GUCY1A2: variants seen among roughly 807,000 people sequenced by gnomAD.
The protein encoded by GUCY1A2 is guanylate cyclase soluble subunit alpha-2.
GUCY1A2 carries 27 observed loss-of-function variants against 63.5 expected under a neutral mutation model. That is an observed-to-expected ratio of 0.43 (90% CI 0.31 to 0.59). The LOEUF (loss-of-function observed/expected upper bound fraction) is 0.59, where lower values mean the gene tolerates loss of function less well. Among genes scored for constraint, GUCY1A2 ranks in the 20% least tolerant of loss-of-function variants. The pLI is 0.11. For synonymous variants in GUCY1A2, 364 were observed against 343.5 expected, an observed-to-expected ratio of 1.06 and a Z score of -0.66; for missense variants, 768 against 913.3, an observed-to-expected ratio of 0.84 and a Z score of 2.05.
At chr11:106,987,319 T>C (rs1861414511) in intron 1 of GUCY1A2, among the ~76,000 whole-genome samples, 1 of 152,188 alleles carries the variant, frequency 6.6e-6, no homozygotes, top group South Asian at 2.1e-4. Flanking sequence ...CAATTGCTAA[T>C]CCTTCAAAGT....
intron 4 of GUCY1A2, among the ~76,000 whole-genome samples, chr11:106,906,275 C>A (rs187734837): frequency 6.6e-6 from 1 of 152,034 alleles, no homozygotes; most frequent in African/African-American, 2.4e-5. Context: ...AAAAACTGGG[C>A]GAACGATATG....
chr11:106,731,030 C>T (rs1863494608), intron 6 of GUCY1A2, among the ~76,000 whole-genome samples: 2 of 151,878 alleles, frequency 1.3e-5, no homozygotes, highest in Admixed American at 1.3e-4. Context: ...CTTATATTTT[C>T]TACCATTCTG....
chr11:107,010,577 G>A (rs1022008028), intron 1 of GUCY1A2, among the ~76,000 whole-genome samples: 3 of 151,956 alleles, frequency 2.0e-5, no homozygotes, highest in Non-Finnish European at 4.4e-5. Flanking sequence ...AAACAGGTTC[G>A]CATACTTGAA....
At chr11:106,908,932 A>G (rs564242676) in intron 4 of GUCY1A2, among the ~76,000 whole-genome samples, 2 of 152,202 alleles carry the variant, frequency 1.3e-5, no homozygotes, top group East Asian at 3.9e-4. Flanking sequence ...AGGTGAAGAA[A>G]TATTTTTGGA....
chr11:106,977,052 C>G (rs989430883), intron 3 of GUCY1A2, among the ~76,000 whole-genome samples: 1 of 152,168 alleles, frequency 6.6e-6, no homozygotes, highest in East Asian at 1.9e-4. Context: ...CTCCTATTCC[C>G]TCTAACTCAG....
At chr11:106,740,043 C>T (rs749179498) in intron 6 of GUCY1A2, among the ~76,000 whole-genome samples, 20 of 150,262 alleles carry the variant, frequency 1.3e-4, no homozygotes, top group East Asian at 5.9e-4. Flanking sequence ...TCTGTCACCC[C>T]GGCTGCAGTG....
chr11:106,773,503 G>A (rs1192156650), intron 6 of GUCY1A2, among the ~76,000 whole-genome samples: 9 of 152,152 alleles, frequency 5.9e-5, no homozygotes, highest in South Asian at 2.1e-4. Context: ...TTTGCTACAC[G>A]TGCACAAGTA....
chr11:106,881,983 T>C (rs1859830137), intron 4 of GUCY1A2, among the ~76,000 whole-genome samples: 1 of 152,020 alleles, frequency 6.6e-6, no homozygotes. Flanking sequence ...CAATGGGCTA[T>C]CAATTACAAG....
intron 5 of GUCY1A2, among the ~76,000 whole-genome samples, chr11:106,796,982 T>A (rs1273600657): frequency 1.3e-5 from 2 of 152,104 alleles, no homozygotes; most frequent in African/African-American, 4.8e-5. Context: ...TTCTTTTTAC[T>A]CTTTTTTCTC....
intron 4 of GUCY1A2, among the ~76,000 whole-genome samples, chr11:106,813,796 G>A (rs557259819): frequency 6.6e-6 from 1 of 152,166 alleles, no homozygotes; most frequent in African/African-American, 2.4e-5. Flanking sequence ...TGTTGAGGAG[G>A]ATGATGCCTG....
At chr11:106,697,413 C>T (rs952840956) in intron 7 of GUCY1A2, among the ~76,000 whole-genome samples, 9 of 152,082 alleles carry the variant, frequency 5.9e-5, no homozygotes, top group Non-Finnish European at 7.4e-5. Context: ...AGTTTAAAAA[C>T]GAATACTCCA....
intron 4 of GUCY1A2, among the ~76,000 whole-genome samples, chr11:106,874,041 A>G (rs1371823539): frequency 6.6e-6 from 1 of 152,168 alleles, no homozygotes; most frequent in South Asian, 2.1e-4. Flanking sequence ...ATCCTTTATT[A>G]TAGAATATTT....
At chr11:106,865,208 T>G (rs1291276926) in intron 4 of GUCY1A2, among the ~76,000 whole-genome samples, 3 of 152,154 alleles carry the variant, frequency 2.0e-5, no homozygotes, top group Non-Finnish European at 4.4e-5. Flanking sequence ...TATTCTCTGA[T>G]GGTAGTTTGT....
At chr11:106,834,620 C>CA (rs912566913) in intron 4 of GUCY1A2, among the ~76,000 whole-genome samples, 5 of 151,750 alleles carry the variant, frequency 3.3e-5, no homozygotes, top group Admixed American at 6.6e-5. Context: ...GAAAAACAAA[C>CA]AAAAAAAGTA....
chr11:106,989,436 G>A (rs1861443352), intron 1 of GUCY1A2, among the ~76,000 whole-genome samples: 1 of 151,850 alleles, frequency 6.6e-6, no homozygotes, highest in South Asian at 2.1e-4. Context: ...GTGCAGGTTT[G>A]TTACATATGT....
At chr11:106,699,497 CTG>C (rs1029464430) in intron 7 of GUCY1A2, among the ~76,000 whole-genome samples, 9 of 152,124 alleles carry the variant, frequency 5.9e-5, no homozygotes, top group African/African-American at 2.2e-4. Context: ...GAAATTCTTT[CTG>C]TGTGTGAAAT....
At chr11:106,944,398 G>T (rs1421831667) in intron 3 of GUCY1A2, among the ~76,000 whole-genome samples, 1 of 151,902 alleles carries the variant, frequency 6.6e-6, no homozygotes, top group African/African-American at 2.4e-5. Flanking sequence ...AGTGAGCTGT[G>T]ACTGCACCAC....
intron 4 of GUCY1A2, among the ~76,000 whole-genome samples, chr11:106,873,530 AC>A (rs1289126486): frequency 6.6e-6 from 1 of 151,868 alleles, no homozygotes; most frequent in African/African-American, 2.4e-5. Context: ...GTGATGTTGA[AC>A]TTTTTTCATA....
intron 1 of GUCY1A2, among the ~76,000 whole-genome samples, chr11:106,998,934 C>T (rs17106330): frequency 0.025 from 3,847 of 152,096 alleles, 64 homozygotes; most frequent in South Asian, 0.046. Context: ...AATAATTTAC[C>T]GTCGCAAAGG....
Sources: allele counts gnomAD v4.1 joint callset (sites outside exome capture counted in the v4.1 genomes callset), GRCh38; gene constraint gnomAD v4.1.1; transcripts MANE v1.5; gene names NCBI Gene and HGNC (gene_info 2026-07-23, HGNC 2026-07-21).